The following HM13 variants were observed in gnomAD, a reference collection of about 807,000 sequenced individuals.
HM13 encodes signal peptide peptidase.
Under a neutral mutation model 50.0 loss-of-function variants are expected in HM13, and 18 were observed. The observed-to-expected ratio is 0.36, with a 90% CI of 0.25 to 0.53. The LOEUF is 0.53. Among genes scored for constraint, HM13 ranks in the 20% least tolerant of loss-of-function variants. HM13 has a pLI of 0.90. For synonymous variants in HM13, 197 were observed against 232.6 expected (o/e 0.85, Z 1.39); for missense variants, 393 against 552.4 (o/e 0.71, Z 2.89).
intron 4 of HM13, among the ~76,000 whole-genome samples, chr20:31,545,983 G>A (rs1983689188): frequency 6.6e-6 from 1 of 151,166 alleles, no homozygotes; most frequent in Admixed American, 6.6e-5. Context: ...AGGCGTGAGT[G>A]AGCCACCACG....
At chr20:31,548,938 C>A in intron 4 of HM13, 91 bp from the exon 5 acceptor site, 1 of 1,109,214 alleles carries the variant, frequency 9.0e-7, no homozygotes, top group Non-Finnish European at 1.4e-6. Flanking sequence ...TCTCACAGTG[C>A]CCACAGCCAT....
At chr20:31,544,879 CA>C (rs1337884481) in intron 3 of HM13, 67 bp from the exon 4 acceptor site, 18 of 1,229,724 alleles carry the variant, frequency 1.5e-5, no homozygotes, top group Non-Finnish European at 2.2e-5. Context: ...GTAAATGGGG[CA>C]GGGGTGTGTT....
At chr20:31,536,019 C>G (rs970165258) in intron 2 of HM13, among the ~76,000 whole-genome samples, 14 of 152,324 alleles carry the variant, frequency 9.2e-5, no homozygotes, top group African/African-American at 2.4e-4. Flanking sequence ...CCCTGTCCCC[C>G]CAAGCCCTTG....
chr20:31,525,185 G>C (rs1982414764), intron 1 of HM13, among the ~76,000 whole-genome samples: 1 of 152,134 alleles, frequency 6.6e-6, no homozygotes, highest in Non-Finnish European at 1.5e-5. Context: ...CTACTTGGGA[G>C]GCTGAGGCAA....
At chr20:31,547,756 C>A in intron 4 of HM13, 1 of 987,592 alleles carries the variant, frequency 1.0e-6, no homozygotes, top group Non-Finnish European at 1.6e-6. Flanking sequence ...TCTAAGGTTG[C>A]TTCACAAATA....
chr20:31,527,643 A>AT, intron 2 of HM13, 61 bp downstream of exon 2: 2 of 1,199,824 alleles, frequency 1.7e-6, no homozygotes, highest in South Asian at 2.6e-5. Context: ...ATTTTGTTTT[A>AT]TTTTTCCCAT....
chr20:31,569,016 C>G (rs1235975595), intron 12 of HM13, 104 bp from the exon 13 acceptor site: 6 of 764,840 alleles, frequency 7.8e-6, no homozygotes, highest in Non-Finnish European at 1.3e-5. Context: ...CTGCATGTGA[C>G]CAGGCGCTTT....
intron 12 of HM13, among the ~76,000 whole-genome samples, chr20:31,568,656 A>T (rs1383970877): frequency 6.6e-6 from 1 of 152,226 alleles, no homozygotes; most frequent in Non-Finnish European, 1.5e-5. Flanking sequence ...AAGCTAAGCC[A>T]GGGTGTCTGT....
Position 31,569,154 on chromosome 20 carries a change from G to A in HM13, c.1216G>A (p.Val406Met), listed in dbSNP as rs1985117307. The change falls in exon 13 of 13, where the codon GTG (valine) becomes ATG (methionine). Residue 406 changes from valine (V) to methionine (M), a missense_variant. This residue lies in a region of HM13 where 105 missense variants were observed against 115.9 expected (regional missense o/e 0.91). Transcript: ENST00000398174. ...GTCAAATCCTAAGGATCCAGCGGCA[G>A]TGACAGAATCCAAAGAGGGAACAGA... ...EESNPKDPAA[V>M]TESKEGTEAS... The A allele has an allele frequency of 6.3e-7, 1 of 1,598,034 alleles. No individual in the cohort carries two copies. Among genetic ancestry groups the A allele is most frequent in the Non-Finnish European group, 8.5e-7 (1 of 1,171,600 alleles).
chr20:31,546,533 T>G (rs1983728337), intron 4 of HM13, among the ~76,000 whole-genome samples: 1 of 151,884 alleles, frequency 6.6e-6, no homozygotes, highest in Non-Finnish European at 1.5e-5. Flanking sequence ...GGCGGATGAC[T>G]TGAGATCAGG....
chr20:31,528,881 A>T (rs1049032949), intron 2 of HM13, among the ~76,000 whole-genome samples: 7 of 152,034 alleles, frequency 4.6e-5, no homozygotes, highest in Admixed American at 4.6e-4. Context: ...AAGTGCTGGG[A>T]TTACAGGCGT....
chr20:31,546,146 T>G lies in HM13; in HGVS notation c.454+1111T>G, dbSNP rs61474169. 2.0e-5 allele frequency among the ~76,000 whole-genome samples: 3 copies of G among 149,914 alleles called. No individual in the cohort carries two copies. In the East Asian group the frequency reaches 6.0e-4, roughly 30 times the overall value. On this transcript the variant is annotated intron_variant, in intron 4 of 12. Coordinates refer to ENST00000398174, the MANE Select transcript of HM13 (RefSeq NM_178581.3). ...CTCACTGCAAGCTCCACCCCCTGGG[T>G]TCACGCCATTCTCCTGCCTCAGCCT... is the stretch of plus-strand genomic sequence containing the variant.
chr20:31,559,515 G>A, intron 8 of HM13, 96 bp from the exon 9 acceptor site: 1 of 1,212,536 alleles, frequency 8.2e-7, no homozygotes, highest in Non-Finnish European at 1.2e-6. Context: ...ATTGCTCCAA[G>A]ATGGAACACC....
intron 4 of HM13, among the ~76,000 whole-genome samples, chr20:31,546,944 G>A (rs913923727): frequency 2.4e-4 from 37 of 152,004 alleles, no homozygotes; most frequent in Admixed American, 2.2e-3. Flanking sequence ...AAATAAAACA[G>A]TAAAAAGGCT....
intron 8 of HM13, among the ~76,000 whole-genome samples, chr20:31,558,003 C>T (rs1264380138): frequency 3.9e-5 from 6 of 151,976 alleles, no homozygotes; most frequent in South Asian, 2.1e-4. Context: ...CCACCGCACC[C>T]GGCCAGGCAG....
At chr20:31,530,808 G>C (rs562159168) in intron 2 of HM13, among the ~76,000 whole-genome samples, 1 of 152,090 alleles carries the variant, frequency 6.6e-6, no homozygotes, top group Non-Finnish European at 1.5e-5. Flanking sequence ...CAGTATTGTC[G>C]TGAACACTTC....
chr20:31,558,880 C>T (rs766656018), intron 8 of HM13, among the ~76,000 whole-genome samples: 4 of 151,592 alleles, frequency 2.6e-5, no homozygotes, highest in East Asian at 3.9e-4. Context: ...CCTGCCACCA[C>T]GTCTGGCTAA....
chr20:31,545,087 C>A, intron 4 of HM13, 52 bp downstream of exon 4: 1 of 1,391,974 alleles, frequency 7.2e-7, no homozygotes, highest in Non-Finnish European at 1.0e-6. Flanking sequence ...CTTCCTCCAC[C>A]ATTCCCTTTG....
rs115778717 is a variant in HM13 at position 31,539,111 on chromosome 20, T to G, written c.365+850T>G. 2,430 of 985,480 alleles carry G rather than the reference T, an allele frequency of 2.5e-3. 39 individuals are homozygous for G. In the African/African-American group the frequency reaches 0.04, roughly 16 times the overall value. 61.0% of individuals were successfully genotyped at this position (985,480 alleles called of 1,614,324 possible). A position where few individuals can be genotyped will look rare whatever the true frequency, so the allele number is the denominator to read the frequency against. The stretch of plus-strand genomic sequence containing the variant: ...CAAACTGCCACATGCTCGTGTCCTT[T>G]CAGTGGGGAGAGTGGTTCATTAGAG... On this transcript the variant is annotated intron_variant, in intron 3 of 12. Coordinates refer to ENST00000398174, the MANE Select transcript of HM13 (RefSeq NM_178581.3).
Sources: allele counts gnomAD v4.1 joint callset (sites outside exome capture counted in the v4.1 genomes callset), GRCh38; gene constraint gnomAD v4.1.1; regional missense constraint gnomAD v4.1.1; transcripts MANE v1.5; gene names NCBI Gene and HGNC (gene_info 2026-07-23, HGNC 2026-07-21).